The following SAMD4A variants were observed in gnomAD, a reference collection of about 807,000 sequenced individuals.
The protein encoded by SAMD4A is protein Smaug homolog 1.
Under a neutral mutation model 81.3 loss-of-function variants are expected in SAMD4A, and 33 were observed. The observed-to-expected ratio is 0.41, with a 90% CI of 0.31 to 0.54. SAMD4A has a LOEUF of 0.54. Ranked by LOEUF, SAMD4A falls within the 20% of genes least tolerant of loss-of-function variation. The probability of loss-of-function intolerance (pLI) is 0.37; values close to 1 mark genes in which losing one functional copy is unlikely to be tolerated. For missense variants in SAMD4A, 854 were observed against 951.1 expected (o/e 0.90, Z 1.34); for synonymous variants, 389 against 382.1 (o/e 1.02, Z -0.21).
chr14:54,699,449 C>T (rs564397532), intron 2 of SAMD4A, among the ~76,000 whole-genome samples: 2 of 152,310 alleles, frequency 1.3e-5, no homozygotes, highest in Admixed American at 1.3e-4. Context: ...GCCCTGTGCT[C>T]AGCAGCTCAG....
chr14:54,764,157 A>G (rs1345945923), intron 7 of SAMD4A, among the ~76,000 whole-genome samples: 1 of 152,218 alleles, frequency 6.6e-6, no homozygotes, highest in Non-Finnish European at 1.5e-5. Context: ...CAAGCTCAGG[A>G]CGCCACTATT....
At chr14:54,640,259 A>G (rs988858251) in intron 2 of SAMD4A, among the ~76,000 whole-genome samples, 2 of 152,132 alleles carry the variant, frequency 1.3e-5, no homozygotes, top group Admixed American at 6.5e-5. Context: ...GTTTCGTGCT[A>G]TGAGATTTTT....
At chr14:54,726,082 T>A (rs752879238) in intron 3 of SAMD4A, among the ~76,000 whole-genome samples, 3 of 151,988 alleles carry the variant, frequency 2.0e-5, no homozygotes, top group African/African-American at 4.8e-5. Context: ...TGTCCATGGA[T>A]CTAGAATGCA....
At chr14:54,618,436 A>G (rs1186004628) in intron 2 of SAMD4A, among the ~76,000 whole-genome samples, 4 of 152,244 alleles carry the variant, frequency 2.6e-5, no homozygotes, top group Non-Finnish European at 1.5e-5. Flanking sequence ...TTTCAGCAGT[A>G]TCTACTGAGA....
chr14:54,708,279 C>G (rs892744179), intron 3 of SAMD4A, among the ~76,000 whole-genome samples: 3 of 152,166 alleles, frequency 2.0e-5, no homozygotes, highest in Admixed American at 1.3e-4. Context: ...TGCTTTTTGC[C>G]TAGGCAACTG....
chr14:54,774,596 C>T (rs1011269211), intron 9 of SAMD4A, among the ~76,000 whole-genome samples: 2 of 150,262 alleles, frequency 1.3e-5, no homozygotes, highest in African/African-American at 4.9e-5. Context: ...GGGAAGATCG[C>T]TTGAGCCTGA....
At chr14:54,749,917 G>A (rs2038059660) in intron 5 of SAMD4A, among the ~76,000 whole-genome samples, 1 of 152,196 alleles carries the variant, frequency 6.6e-6, no homozygotes, top group Non-Finnish European at 1.5e-5. Context: ...TACTTATTCG[G>A]TACCCTCATT....
intron 2 of SAMD4A, among the ~76,000 whole-genome samples, chr14:54,686,754 C>G (rs529687099): frequency 2.0e-5 from 3 of 152,124 alleles, no homozygotes; most frequent in Admixed American, 1.3e-4. Flanking sequence ...GAGTTGGTTA[C>G]GCGCTAAATT....
At chr14:54,575,506 G>A (rs1489152269) in intron 2 of SAMD4A, among the ~76,000 whole-genome samples, 1 of 152,162 alleles carries the variant, frequency 6.6e-6, no homozygotes, top group Non-Finnish European at 1.5e-5. Context: ...TAGCTCTGGC[G>A]GTGGGACCTC....
chr14:54,789,259 C>A lies in SAMD4A; in HGVS notation c.*315C>A. ...GGTAGCTCTCTGGATGGAACGGGGACAGGGGAAAGAGTACTGCCATGAAAG... is the reference window on the plus strand; with the variant it reads ...GGTAGCTCTCTGGATGGAACGGGGAAAGGGGAAAGAGTACTGCCATGAAAG... On this transcript the variant is annotated 3_prime_UTR_variant, in exon 13 of 13. Coordinates refer to ENST00000554335, the MANE Select transcript of SAMD4A (RefSeq NM_015589.6). The A allele has an allele frequency of 2.1e-6, 1 of 470,182 alleles. No individual in the cohort carries two copies. The highest frequency in any genetic ancestry group is 3.9e-6 in the Non-Finnish European group (1 of 258,036). The allele number at this position is 470,182 out of a possible 1,614,324, so 29.1% of individuals were successfully genotyped here.
At chr14:54,627,623 G>T (rs2034796523) in intron 2 of SAMD4A, among the ~76,000 whole-genome samples, 1 of 152,196 alleles carries the variant, frequency 6.6e-6, no homozygotes, top group African/African-American at 2.4e-5. Context: ...GCCTGGGCAG[G>T]GTAGAAGTCA....
chr14:54,633,587 G>T (rs369407390), intron 2 of SAMD4A, among the ~76,000 whole-genome samples: 1 of 152,012 alleles, frequency 6.6e-6, no homozygotes, highest in African/African-American at 2.4e-5. Context: ...TGGTGCCTAG[G>T]GGGTAGTGGG....
At chr14:54,768,609 G>A (rs141553875) in intron 8 of SAMD4A, among the ~76,000 whole-genome samples, 3 of 152,276 alleles carry the variant, frequency 2.0e-5, no homozygotes, top group Admixed American at 6.5e-5. Flanking sequence ...ATCCCCTCTC[G>A]CTGTTAGTCC....
At chr14:54,638,155 G>T (rs2035081151) in intron 2 of SAMD4A, among the ~76,000 whole-genome samples, 1 of 152,216 alleles carries the variant, frequency 6.6e-6, no homozygotes, top group Admixed American at 6.5e-5. Context: ...AGGGGCAAAA[G>T]AAAAGTCTTG....
chr14:54,669,949 C>G (rs2035843336), intron 2 of SAMD4A, among the ~76,000 whole-genome samples: 1 of 152,156 alleles, frequency 6.6e-6, no homozygotes, highest in African/African-American at 2.4e-5. Flanking sequence ...CCCCAGCCCC[C>G]TGGGGTGAAA....
At chr14:54,788,778 T>C (rs1353773966) in intron 12 of SAMD4A, 138 bp from the exon 13 acceptor site, 2 of 994,576 alleles carry the variant, frequency 2.0e-6, no homozygotes, top group African/African-American at 3.2e-5. Flanking sequence ...GGTATGTAAA[T>C]GCGTGAACAC....
At chr14:54,723,316 A>G (rs1235401193) in intron 3 of SAMD4A, among the ~76,000 whole-genome samples, 1 of 152,166 alleles carries the variant, frequency 6.6e-6, no homozygotes, top group Non-Finnish European at 1.5e-5. Flanking sequence ...TGGGCAGGTG[A>G]TTTCTAATTT....
In SAMD4A at chr14:54,663,754, A is replaced by G. The variant is rs532999324; in HGVS notation, c.197-38308A>G. ...TTCTTTGGTTGAACCTAGGGGAGGT[A>G]CTGTGGGAGCTCACTTAATCCATCT... On this transcript the variant is annotated intron_variant, in intron 2 of 12. Coordinates refer to ENST00000554335, the MANE Select transcript of SAMD4A (RefSeq NM_015589.6). Among the ~76,000 whole-genome samples the G allele has an allele frequency of 9.2e-5, 14 of 152,290 alleles. No individual in the cohort carries two copies. In the South Asian group the frequency reaches 2.9e-3, roughly 32 times the overall value.
intron 8 of SAMD4A, 143 bp downstream of exon 8, chr14:54,764,683 T>C: frequency 1.7e-6 from 1 of 603,618 alleles, no homozygotes; most frequent in Non-Finnish European, 2.9e-6. Flanking sequence ...TGGGCAGAAC[T>C]AGGCTATGAC....
Sources: gnomAD v4.1 joint callset for allele counts (sites outside exome capture counted in the v4.1 genomes callset) on GRCh38, gnomAD v4.1.1 for gene constraint, MANE v1.5 for transcripts, NCBI Gene and HGNC (gene_info 2026-07-23, HGNC 2026-07-21) for gene names.